The following NCBP1 variants were observed in gnomAD, a reference collection of about 807,000 sequenced individuals.
NCBP1 encodes nuclear cap binding protein subunit 1.
In NCBP1, 16 loss-of-function variants were observed where a neutral mutation model predicts 111.7. The observed-to-expected ratio is 0.14, with a 90% CI of 0.10 to 0.22. The LOEUF is 0.22. Among genes scored for constraint, NCBP1 ranks in the 10% least tolerant of loss-of-function variants. The pLI, the probability that NCBP1 is intolerant of heterozygous loss-of-function variation, is 1.00. For missense variants in NCBP1, 607 were observed against 957.5 expected (o/e 0.63, Z 4.83); for synonymous variants, 304 against 314.3 (o/e 0.97, Z 0.35).
At chr9:97,667,664 C>T (rs139310750) in intron 20 of NCBP1, among the ~76,000 whole-genome samples, 13 of 152,168 alleles carry the variant, frequency 8.5e-5, no homozygotes, top group Non-Finnish European at 1.5e-4. Flanking sequence ...TGTCAGACTC[C>T]AGAGACTTTT....
rs867647551 is a variant in NCBP1, at chr9:97,666,901, G to A, written c.2016+24G>A. On this transcript the variant is annotated intron_variant, in intron 20 of 22. Transcript: ENST00000375147. ...GGGTAAGTTTTGTGTAAACTTGTAA[G>A]TAGTTAAAGAAAATATACCAGAAAC... 2.4e-5 allele frequency: 35 copies of A among 1,472,470 alleles called. 1 individual carries two copies. In the Middle Eastern group the frequency reaches 2.6e-3, roughly 111 times the overall value. The allele number at this position is 1,472,470 out of a possible 1,614,324, so 91.2% of individuals were successfully genotyped here. A position where few individuals can be genotyped will look rare whatever the true frequency, so the allele number is the denominator to read the frequency against.
chr9:97,644,152 G>T (rs1564019107), intron 4 of NCBP1, among the ~76,000 whole-genome samples: 2 of 152,184 alleles, frequency 1.3e-5, no homozygotes, highest in South Asian at 4.1e-4. Flanking sequence ...ACATATGTAT[G>T]TGTTGAAGAT....
chr9:97,643,433 A>G, intron 4 of NCBP1, 73 bp downstream of exon 4: 2 of 1,381,802 alleles, frequency 1.4e-6, no homozygotes, highest in Non-Finnish European at 1.9e-6. Context: ...ACAACCAAAT[A>G]ATTTAAAATG....
intron 20 of NCBP1, among the ~76,000 whole-genome samples, chr9:97,667,880 A>G (rs1828055788): frequency 6.6e-6 from 1 of 152,212 alleles, no homozygotes; most frequent in African/African-American, 2.4e-5. Context: ...AGGTCTATCT[A>G]TTAGGTAGTA....
chr9:97,661,195 G>A (rs914367601), intron 16 of NCBP1, 127 bp downstream of exon 16: 2 of 1,100,494 alleles, frequency 1.8e-6, no homozygotes, highest in Non-Finnish European at 2.5e-6. Flanking sequence ...TCAGACTGTT[G>A]TTCTTAGCAC....
chr9:97,666,162 A>G (rs1268002890), intron 19 of NCBP1, among the ~76,000 whole-genome samples: 1 of 152,218 alleles, frequency 6.6e-6, no homozygotes, highest in African/African-American at 2.4e-5. Flanking sequence ...TTTTTAAAAG[A>G]AAAACACTTA....
intron 20 of NCBP1, among the ~76,000 whole-genome samples, chr9:97,667,451 C>G (rs1276384689): frequency 6.6e-6 from 1 of 152,076 alleles, no homozygotes; most frequent in African/African-American, 2.4e-5. Context: ...CTATAGGAAC[C>G]TTTCGCAAGT....
intron 10 of NCBP1, among the ~76,000 whole-genome samples, chr9:97,651,819 A>G (rs1254690038): frequency 3.9e-5 from 6 of 152,190 alleles, no homozygotes; most frequent in Admixed American, 3.9e-4. Context: ...CTGTAACACA[A>G]AGTGTAGATG....
At chr9:97,669,531 A>G in intron 21 of NCBP1, 62 bp from the exon 22 acceptor site, 3 of 1,194,980 alleles carry the variant, frequency 2.5e-6, no homozygotes, top group Non-Finnish European at 3.7e-6. Context: ...TTTGTCATGA[A>G]TTTTTTTCCA....
At chr9:97,646,386 C>G (rs1406823825) in intron 6 of NCBP1, among the ~76,000 whole-genome samples, 1 of 152,152 alleles carries the variant, frequency 6.6e-6, no homozygotes. Flanking sequence ...TTATGCTTAA[C>G]TATCCAGCAA....
chr9:97,661,512 T>G (rs1447377712), intron 16 of NCBP1, among the ~76,000 whole-genome samples: 1 of 152,136 alleles, frequency 6.6e-6, no homozygotes, highest in Non-Finnish European at 1.5e-5. Context: ...CAAAATAATT[T>G]ATACAGTTGC....
At chr9:97,652,812 G>A (rs1244129995) in intron 10 of NCBP1, among the ~76,000 whole-genome samples, 1 of 152,228 alleles carries the variant, frequency 6.6e-6, no homozygotes, top group Non-Finnish European at 1.5e-5. Flanking sequence ...ACTTAATGCT[G>A]TGAACTTGGC....
intron 6 of NCBP1, among the ~76,000 whole-genome samples, chr9:97,647,025 G>A (rs145222051): frequency 4.1e-4 from 62 of 151,380 alleles, no homozygotes; most frequent in Non-Finnish European, 5.7e-4. Context: ...CAGTTGTAGG[G>A]TATTTCACTT....
intron 19 of NCBP1, among the ~76,000 whole-genome samples, chr9:97,665,936 A>AAGTG (rs2131366571): frequency 6.6e-6 from 1 of 152,304 alleles, no homozygotes; most frequent in South Asian, 2.1e-4. Context: ...AACATTCATG[A>AAGTG]AGTGAGAGTG....
chr9:97,636,529 AT>A (rs972751385), intron 1 of NCBP1, among the ~76,000 whole-genome samples: 6 of 104,688 alleles, frequency 5.7e-5, no homozygotes, highest in Admixed American at 4.0e-4. Flanking sequence ...ATATTTATAT[AT>A]TATATAAGTT....
chr9:97,657,043 A>G (rs1827677679), intron 14 of NCBP1, among the ~76,000 whole-genome samples: 1 of 152,112 alleles, frequency 6.6e-6, no homozygotes, highest in African/African-American at 2.4e-5. Context: ...ATCTCGGCTC[A>G]CTGCAAGCGC....
chr9:97,671,010 C>T, intron 22 of NCBP1, 76 bp from the exon 23 acceptor site: 1 of 908,286 alleles, frequency 1.1e-6, no homozygotes, highest in Non-Finnish European at 1.7e-6. Context: ...CATGGGTGGG[C>T]TGCTGAAGGA....
At chr9:97,668,235 T>G (rs756984381) in intron 20 of NCBP1, among the ~76,000 whole-genome samples, 1 of 152,068 alleles carries the variant, frequency 6.6e-6, no homozygotes, top group African/African-American at 2.4e-5. Flanking sequence ...CCTCTCAGCC[T>G]TTTTTCTCTG....
At chr9:97,665,932 C>G (rs950151920) in intron 19 of NCBP1, among the ~76,000 whole-genome samples, 1 of 152,150 alleles carries the variant, frequency 6.6e-6, no homozygotes, top group South Asian at 2.1e-4. Flanking sequence ...AGGAAACATT[C>G]ATGAAGTGAG....
Sources: allele counts gnomAD v4.1 joint callset (sites outside exome capture counted in the v4.1 genomes callset), GRCh38; gene constraint gnomAD v4.1.1; transcripts MANE v1.5; gene names NCBI Gene and HGNC (gene_info 2026-07-23, HGNC 2026-07-21).